Variants in MTUS2 observed in about 807,000 individuals in gnomAD.
MTUS2 encodes the protein microtubule-associated tumor suppressor candidate 2.
In MTUS2, 40 loss-of-function variants were observed where a neutral mutation model predicts 114.1. The observed-to-expected ratio is 0.35, with a 90% confidence interval of 0.27 to 0.46. The LOEUF (loss-of-function observed/expected upper bound fraction) is 0.46, where lower values mean the gene tolerates loss of function less well. Among genes scored for constraint, MTUS2 ranks in the 20% least tolerant of loss-of-function variants. MTUS2 has a pLI of 1.00. For synonymous variants in MTUS2, 688 were observed against 672.0 expected (o/e 1.02, Z -0.37); for missense variants, 1,679 against 1,705.4 (o/e 0.98, Z 0.27).
intron 8 of MTUS2, among the ~76,000 whole-genome samples, chr13:29,396,977 C>G (rs1440111114): frequency 6.6e-6 from 1 of 152,146 alleles, no homozygotes; most frequent in Non-Finnish European, 1.5e-5. Context: ...GAGGCAGAGT[C>G]CAAGACAGGG....
rs1896158425 is a variant in MTUS2, at chr13:29,227,529, C to T, written c.2645-54175C>T. 2.6e-5 allele frequency among the ~76,000 whole-genome samples: 4 copies of T among 152,294 alleles called. No individual in the cohort carries two copies. In the South Asian group the frequency reaches 8.3e-4, roughly 32 times the overall value. ...GCCAAGAATTAAATCAAGGCAATCT[C>T]TTGAATTTGCTTCTAAGACAGCTTC... On this transcript the variant is annotated intron_variant, in intron 5 of 15. Coordinates refer to ENST00000612955, the MANE Select transcript of MTUS2 (RefSeq NM_001033602.4).
At chr13:28,874,759 A>G (rs1877832494) in intron 2 of MTUS2, among the ~76,000 whole-genome samples, 1 of 152,224 alleles carries the variant, frequency 6.6e-6, no homozygotes, top group Admixed American at 6.5e-5. Context: ...GGATGGAGCT[A>G]TGTAAGGACA....
intron 5 of MTUS2, among the ~76,000 whole-genome samples, chr13:29,125,272 A>G (rs993851370): frequency 6.6e-6 from 1 of 152,192 alleles, no homozygotes; most frequent in Non-Finnish European, 1.5e-5. Flanking sequence ...CATCTTACAA[A>G]TAAATCTCTT....
intron 7 of MTUS2, among the ~76,000 whole-genome samples, chr13:29,350,969 A>ATATATATATATATATATATATATG (rs1869207126): frequency 8.1e-6 from 1 of 123,514 alleles, no homozygotes; most frequent in Admixed American, 7.4e-5. Context: ...TCATATATAT[A>ATATATATATATATATATATATATG]TATATATATA....
Position 29,109,584 on chromosome 13 carries a change from T to C in MTUS2, c.2644+8614T>C, listed in dbSNP as rs144609410. ...GCTTTGTGACTTTGGGCAAGTTGCT[T>C]AATTTTTCTCTGTTTCCTCATTGTA... On this transcript the variant is annotated intron_variant, in intron 5 of 15. Transcript: ENST00000612955. 2.3e-3 allele frequency among the ~76,000 whole-genome samples: 344 copies of C among 152,302 alleles called. 1 individual carries two copies. The highest frequency in any genetic ancestry group is 0.01 in the Middle Eastern group (3 of 294).
intron 5 of MTUS2, among the ~76,000 whole-genome samples, chr13:29,121,164 C>T (rs1891290647): frequency 6.6e-6 from 1 of 152,122 alleles, no homozygotes; most frequent in South Asian, 2.1e-4. Context: ...TCTCACTTAT[C>T]CCTAAGGAAA....
At chr13:29,218,681 C>G (rs1399549625) in intron 5 of MTUS2, among the ~76,000 whole-genome samples, 1 of 152,154 alleles carries the variant, frequency 6.6e-6, no homozygotes, top group East Asian at 1.9e-4. Flanking sequence ...TTTTTCATCT[C>G]CATCAGAGCG....
At chr13:29,388,626 T>C (rs1872794591) in intron 8 of MTUS2, among the ~76,000 whole-genome samples, 1 of 151,886 alleles carries the variant, frequency 6.6e-6, no homozygotes, top group African/African-American at 2.4e-5. Flanking sequence ...CTGGGAATCA[T>C]TTTATTTTAA....
At chr13:28,922,292 A>G (rs1413230030) in intron 2 of MTUS2, among the ~76,000 whole-genome samples, 1 of 152,134 alleles carries the variant, frequency 6.6e-6, no homozygotes, top group Non-Finnish European at 1.5e-5. Context: ...TTTATAAGTT[A>G]CCCAGTCTCA....
chr13:29,192,548 A>T (rs190685499), intron 5 of MTUS2, among the ~76,000 whole-genome samples: 1 of 152,180 alleles, frequency 6.6e-6, no homozygotes, highest in Non-Finnish European at 1.5e-5. Flanking sequence ...AAGATAGTAA[A>T]TGTTCCCAAC....
chr13:29,183,341 A>G (rs574253897), intron 5 of MTUS2, among the ~76,000 whole-genome samples: 4 of 152,220 alleles, frequency 2.6e-5, no homozygotes, highest in South Asian at 2.1e-4. Flanking sequence ...GCTGTCATCA[A>G]TGGAGATGAG....
chr13:29,264,131 T>C (rs1897580182), intron 5 of MTUS2, among the ~76,000 whole-genome samples: 1 of 152,228 alleles, frequency 6.6e-6, no homozygotes, highest in Non-Finnish European at 1.5e-5. Flanking sequence ...AGGGAGAAAT[T>C]GGCCTAAAGA....
chr13:28,933,560 T>A (rs1006289557), intron 2 of MTUS2, among the ~76,000 whole-genome samples: 1 of 152,234 alleles, frequency 6.6e-6, no homozygotes, highest in Non-Finnish European at 1.5e-5. Flanking sequence ...AAGTTGACAC[T>A]TAAAATTAAC....
At chr13:29,058,767 T>C (rs1888268957) in intron 4 of MTUS2, among the ~76,000 whole-genome samples, 1 of 143,194 alleles carries the variant, frequency 7.0e-6, no homozygotes, top group Admixed American at 7.4e-5. Flanking sequence ...CCTGTGTCCA[T>C]GTGTTCTCAT....
intron 7 of MTUS2, among the ~76,000 whole-genome samples, chr13:29,351,676 C>G (rs964082078): frequency 1.3e-5 from 2 of 151,942 alleles, no homozygotes; most frequent in Non-Finnish European, 2.9e-5. Flanking sequence ...GATGTCAGCT[C>G]ACTTCAGCCT....
chr13:29,303,464 T>C (rs534603080), intron 6 of MTUS2, among the ~76,000 whole-genome samples: 2 of 152,272 alleles, frequency 1.3e-5, no homozygotes, highest in East Asian at 3.9e-4. Flanking sequence ...ATTGGCCTGA[T>C]GGAGCTGAAA....
intron 5 of MTUS2, among the ~76,000 whole-genome samples, chr13:29,118,503 C>G (rs911746371): frequency 6.6e-6 from 1 of 152,152 alleles, no homozygotes; most frequent in Non-Finnish European, 1.5e-5. Flanking sequence ...AGTCCTACAA[C>G]ATATTAATAA....
chr13:28,952,754 C>T (rs1434112909), intron 2 of MTUS2, among the ~76,000 whole-genome samples: 2 of 152,196 alleles, frequency 1.3e-5, no homozygotes, highest in East Asian at 3.8e-4. Flanking sequence ...GAAGCATCTC[C>T]AACTCAACTG....
Position 29,254,337 on chromosome 13 carries a change from C to G in MTUS2, c.2645-27367C>G, listed in dbSNP as rs144222871. On this transcript the variant is annotated intron_variant, in intron 5 of 15. Coordinates refer to ENST00000612955, the MANE Select transcript of MTUS2 (RefSeq NM_001033602.4). ...ACGAACAAACAGGCACACAGGAAGA[C>G]AGAGGCAGAATGGCCTGGACCTGTA... 1.5e-3 allele frequency among the ~76,000 whole-genome samples: 223 copies of G among 152,332 alleles called. 1 individual carries two copies. The highest frequency in any genetic ancestry group is 4.8e-3 in the African/African-American group (201 of 41,576).
Sources: gnomAD v4.1 joint callset for allele counts (sites outside exome capture counted in the v4.1 genomes callset) on GRCh38, gnomAD v4.1.1 for gene constraint, MANE v1.5 for transcripts, NCBI Gene and HGNC (gene_info 2026-07-23, HGNC 2026-07-21) for gene names.